The following LRRC7 variants were observed in gnomAD, a reference collection of about 807,000 sequenced individuals.
LRRC7 encodes leucine-rich repeat-containing protein 7.
Under a neutral mutation model 175.7 loss-of-function variants are expected in LRRC7, and 23 were observed. The observed-to-expected ratio is 0.13, with a 90% CI of 0.09 to 0.19. LRRC7 has a LOEUF of 0.19. Ranked by LOEUF, LRRC7 falls within the 10% of genes least tolerant of loss-of-function variation. The pLI is 1.00. For synonymous variants in LRRC7, 685 were observed against 680.9 expected, an observed-to-expected ratio of 1.01 and a Z score of -0.09; for missense variants, 1,354 against 1,904.7, an observed-to-expected ratio of 0.71 and a Z score of 5.38.
At chr1:70,078,820 ACACG>A (rs766567186) in intron 24 of LRRC7, among the ~76,000 whole-genome samples, 4,576 of 124,284 alleles carry the variant, frequency 0.037, 186 homozygotes, top group African/African-American at 0.12. Flanking sequence ...GCACACACAC[ACACG>A]CACACACACA....
intron 2 of LRRC7, among the ~76,000 whole-genome samples, chr1:69,699,792 T>C (rs894187035): frequency 6.6e-6 from 1 of 152,186 alleles, no homozygotes; most frequent in Admixed American, 6.5e-5. Flanking sequence ...ATTTTTTGCT[T>C]TCAGCATGGA....
chr1:69,947,624 G>T (rs1452772884), intron 8 of LRRC7, among the ~76,000 whole-genome samples: 2 of 151,526 alleles, frequency 1.3e-5, no homozygotes, highest in Non-Finnish European at 2.9e-5. Context: ...TATTTTTATA[G>T]TTATATTTAT....
chr1:70,008,709 G>A (rs752304706), intron 11 of LRRC7, among the ~76,000 whole-genome samples: 18 of 152,168 alleles, frequency 1.2e-4, no homozygotes, highest in Non-Finnish European at 2.1e-4. Flanking sequence ...GGGTGACCAA[G>A]AGCATTATCC....
In LRRC7 at chr1:70,089,715, T is replaced by C; in HGVS notation, c.4453-12T>C. The C allele has an allele frequency of 6.4e-7, 1 of 1,556,266 alleles. No homozygotes were observed. The highest frequency in any genetic ancestry group is 8.8e-7 in the Non-Finnish European group (1 of 1,136,904). On this transcript the variant is annotated splice_polypyrimidine_tract_variant and intron_variant, in intron 24 of 26. Transcript: ENST00000651989. ...AACTGTTTACTTACCATTTTATATC[T>C]TTTTTACATAGTTTTGTGTGAGAAT...
chr1:70,042,457 T>G (rs17131151), intron 21 of LRRC7, among the ~76,000 whole-genome samples: 1 of 151,948 alleles, frequency 6.6e-6, no homozygotes, highest in East Asian at 1.9e-4. Context: ...TTGCCTAGAG[T>G]CTTGGACATT....
At chr1:69,763,099 G>C (rs1354379031) in intron 3 of LRRC7, among the ~76,000 whole-genome samples, 1 of 151,946 alleles carries the variant, frequency 6.6e-6, no homozygotes, top group East Asian at 1.9e-4. Context: ...ATACAAAAAT[G>C]AAAGGAATAA....
intron 1 of LRRC7, among the ~76,000 whole-genome samples, chr1:69,591,536 G>A (rs1341706738): frequency 6.6e-6 from 1 of 151,986 alleles, no homozygotes; most frequent in African/African-American, 2.4e-5. Flanking sequence ...AAAACCGATA[G>A]CTTCCGTGAT....
At chr1:69,848,799 A>G (rs1390117975) in intron 7 of LRRC7, among the ~76,000 whole-genome samples, 1 of 152,090 alleles carries the variant, frequency 6.6e-6, no homozygotes, top group Non-Finnish European at 1.5e-5. Context: ...GACATTTAAG[A>G]TAAGTGGCTG....
chr1:70,047,619 C>G (rs1660427995), intron 22 of LRRC7, among the ~76,000 whole-genome samples: 1 of 151,970 alleles, frequency 6.6e-6, no homozygotes, highest in African/African-American at 2.4e-5. Context: ...AAAAAGGGAG[C>G]ACTCTTCAAG....
In LRRC7 at chr1:70,136,802, C is replaced by G. The variant is rs987594829; in HGVS notation, c.*14915C>G. Among the ~76,000 whole-genome samples the G allele has an allele frequency of 1.4e-5, 2 of 147,238 alleles. No homozygotes were observed. Among genetic ancestry groups the G allele is most frequent in the African/African-American group, 5.1e-5 (2 of 39,520 alleles). On this transcript the variant is annotated 3_prime_UTR_variant, in exon 27 of 27. Transcript: ENST00000651989. Reference sequence around the variant, plus strand: ...TGGAGTGCAGTGGCATGATCATGGCCCACTGCAGCCTTGACCACCTGGGCT... The same window carrying G: ...TGGAGTGCAGTGGCATGATCATGGCGCACTGCAGCCTTGACCACCTGGGCT...
Position 70,038,284 on chromosome 1 carries a change from G to A in LRRC7, c.2460G>A (p.Glu820=), listed in dbSNP as rs1489384419. Residue 820 remains glutamate, a synonymous_variant, in exon 21 of 27, where the codon GAG becomes GAA. Coordinates refer to ENST00000651989, the MANE Select transcript of LRRC7 (RefSeq NM_001370785.2). ...ATGACAACACAGGGTTTGTTGCTGA[G>A]GAAACCACAGCCGAGAATGCCAACA... The part of the protein sequence containing the change: ...SHYDNTGFVA[E]ETTAENANSN... 3.7e-6 allele frequency: 6 copies of A among 1,614,110 alleles called. No homozygotes were observed. The highest frequency in any genetic ancestry group is 1.7e-5 in the Admixed American group (1 of 60,024).
intron 7 of LRRC7, among the ~76,000 whole-genome samples, chr1:69,846,836 A>AT (rs1682425443): frequency 6.6e-6 from 1 of 152,070 alleles, no homozygotes; most frequent in African/African-American, 2.4e-5. Context: ...AAAGATTGAC[A>AT]TGAGTTCTAG....
At chr1:69,871,793 A>G (rs1685576811) in intron 7 of LRRC7, among the ~76,000 whole-genome samples, 1 of 152,022 alleles carries the variant, frequency 6.6e-6, no homozygotes, top group African/African-American at 2.4e-5. Context: ...GAATCTGTTT[A>G]TGTATTGCCT....
intron 4 of LRRC7, among the ~76,000 whole-genome samples, chr1:69,809,230 G>A (rs1351656249): frequency 2.0e-5 from 3 of 152,138 alleles, no homozygotes; most frequent in African/African-American, 7.2e-5. Flanking sequence ...CCAGGAAGAA[G>A]TTGAATCCCT....
intron 4 of LRRC7, among the ~76,000 whole-genome samples, chr1:69,813,171 T>C (rs1678157173): frequency 6.6e-6 from 1 of 152,138 alleles, no homozygotes; most frequent in South Asian, 2.1e-4. Context: ...CTGCCCTCTT[T>C]ATATGGTTCA....
intron 8 of LRRC7, among the ~76,000 whole-genome samples, chr1:69,972,760 A>G (rs1180352013): frequency 6.6e-6 from 1 of 151,958 alleles, no homozygotes; most frequent in Non-Finnish European, 1.5e-5. Context: ...CAGCAATCCC[A>G]CTACTGGGTA....
intron 2 of LRRC7, among the ~76,000 whole-genome samples, chr1:69,702,565 T>C (rs1381096565): frequency 3.3e-5 from 5 of 152,090 alleles, no homozygotes; most frequent in Non-Finnish European, 7.4e-5. Context: ...TGTTATAAAA[T>C]TAATTGGGAA....
chr1:69,905,818 C>T (rs1646287842), intron 7 of LRRC7, among the ~76,000 whole-genome samples: 1 of 152,158 alleles, frequency 6.6e-6, no homozygotes, highest in Non-Finnish European at 1.5e-5. Flanking sequence ...TTCTAGATCC[C>T]TGAGGAATCA....
intron 7 of LRRC7, among the ~76,000 whole-genome samples, chr1:69,923,884 A>C (rs1406612424): frequency 6.6e-6 from 1 of 151,914 alleles, no homozygotes; most frequent in African/African-American, 2.4e-5. Context: ...GCCCATGCCT[A>C]TGTCCTGAAT....
Sources: gnomAD v4.1 joint callset for allele counts (sites outside exome capture counted in the v4.1 genomes callset) on GRCh38, gnomAD v4.1.1 for gene constraint, MANE v1.5 for transcripts, NCBI Gene and HGNC (gene_info 2026-07-23, HGNC 2026-07-21) for gene names.